Variants in FRMD4B observed in about 807,000 individuals in gnomAD.
FRMD4B encodes FERM domain containing 4B, also known as FERM domain-containing protein 4B.
Under a neutral mutation model 141.5 loss-of-function variants are expected in FRMD4B, and 74 were observed. The ratio of observed to expected loss-of-function variants is 0.52; its 90% CI spans 0.43 to 0.63. The LOEUF (loss-of-function observed/expected upper bound fraction) is 0.63, where lower values mean the gene tolerates loss of function less well. Ranked by LOEUF, FRMD4B falls within the 30% of genes least tolerant of loss-of-function variation. FRMD4B has a pLI of 0.00. For synonymous variants in FRMD4B, 506 were observed against 467.9 expected (o/e 1.08, Z -1.05); for missense variants, 1,366 against 1,253.4 (o/e 1.09, Z -1.36).
intron 2 of FRMD4B, among the ~76,000 whole-genome samples, chr3:69,406,893 A>G (rs1200788846): frequency 6.9e-6 from 1 of 144,384 alleles, no homozygotes. Context: ...CACCACACCC[A>G]GTTAATTTTT....
intron 4 of FRMD4B, among the ~76,000 whole-genome samples, chr3:69,289,134 A>C (rs988482671): frequency 6.6e-6 from 1 of 152,244 alleles, no homozygotes; most frequent in African/African-American, 2.4e-5. Flanking sequence ...AAGGTGGTGA[A>C]GGAAATGAGG....
At chr3:69,270,722 T>C (rs1160220476) in intron 5 of FRMD4B, among the ~76,000 whole-genome samples, 6 of 151,986 alleles carry the variant, frequency 3.9e-5, no homozygotes, top group Non-Finnish European at 8.8e-5. Context: ...CCCGCCATCA[T>C]GCCCGGCTAA....
At chr3:69,378,509 G>A (rs1704032633) in intron 1 of FRMD4B, among the ~76,000 whole-genome samples, 1 of 152,132 alleles carries the variant, frequency 6.6e-6, no homozygotes, top group Admixed American at 6.5e-5. Context: ...GAAAATTATT[G>A]CTTTAAGCCA....
chr3:69,209,512 G>C (rs936823867), intron 11 of FRMD4B, among the ~76,000 whole-genome samples: 1 of 152,152 alleles, frequency 6.6e-6, no homozygotes, highest in African/African-American at 2.4e-5. Flanking sequence ...CAGCAGACAA[G>C]AGTTATCTCA....
chr3:69,459,406 A>T (rs1041342150), intron 1 of FRMD4B, among the ~76,000 whole-genome samples: 1 of 152,214 alleles, frequency 6.6e-6, no homozygotes, highest in East Asian at 1.9e-4. Context: ...AGCTCATTTT[A>T]TGCTAGATAT....
intron 1 of FRMD4B, among the ~76,000 whole-genome samples, chr3:69,500,889 T>C (rs1377396294): frequency 6.6e-6 from 1 of 152,134 alleles, no homozygotes; most frequent in Non-Finnish European, 1.5e-5. Flanking sequence ...AGTGGGAAAG[T>C]CACGCTCTCC....
chr3:69,189,114 C>T (rs1282892030), intron 18 of FRMD4B, among the ~76,000 whole-genome samples: 6 of 149,552 alleles, frequency 4.0e-5, no homozygotes, highest in African/African-American at 7.4e-5. Context: ...CCCAGCTACT[C>T]GGGAGGCTGA....
At chr3:69,355,580 C>T (rs1703290453) in intron 1 of FRMD4B, among the ~76,000 whole-genome samples, 1 of 152,136 alleles carries the variant, frequency 6.6e-6, no homozygotes, top group Non-Finnish European at 1.5e-5. Context: ...CCAGTTTCAG[C>T]AGCAAGTTGG....
intron 2 of FRMD4B, among the ~76,000 whole-genome samples, chr3:69,418,827 T>G (rs1272821425): frequency 1.4e-4 from 21 of 152,038 alleles, no homozygotes; most frequent in East Asian, 5.8e-4. Context: ...CAACTATGTG[T>G]GTGTGTGTGT....
chr3:69,349,259 C>T (rs570536603), intron 1 of FRMD4B, among the ~76,000 whole-genome samples: 1 of 152,278 alleles, frequency 6.6e-6, no homozygotes, highest in South Asian at 2.1e-4. Flanking sequence ...AGGAATCCAA[C>T]TTACAAGGGA....
chr3:69,342,976 G>T (rs1702788041), intron 1 of FRMD4B, among the ~76,000 whole-genome samples: 1 of 152,096 alleles, frequency 6.6e-6, no homozygotes, highest in African/African-American at 2.4e-5. Flanking sequence ...TAGAGACAGG[G>T]TCTCGCTCTG....
intron 8 of FRMD4B, among the ~76,000 whole-genome samples, chr3:69,222,555 T>C (rs2107750375): frequency 6.6e-6 from 1 of 150,514 alleles, no homozygotes; most frequent in Admixed American, 6.6e-5. Context: ...GCAGATCACC[T>C]GAGGTCAGGA....
intron 1 of FRMD4B, among the ~76,000 whole-genome samples, chr3:69,322,594 C>CTTTTT (rs771521331): frequency 2.1e-4 from 17 of 81,368 alleles, no homozygotes; most frequent in African/African-American, 5.8e-4. Context: ...TTCTCTCTCT[C>CTTTTT]TTTTTTTTTT....
chr3:69,279,834 G>C (rs1024713032), intron 5 of FRMD4B, among the ~76,000 whole-genome samples: 2 of 149,720 alleles, frequency 1.3e-5, no homozygotes, highest in African/African-American at 4.9e-5. Context: ...GCAGAAAAGG[G>C]AGCTGAGGCT....
At chr3:69,244,963 A>C (rs1461055844) in intron 7 of FRMD4B, among the ~76,000 whole-genome samples, 1 of 152,250 alleles carries the variant, frequency 6.6e-6, no homozygotes, top group African/African-American at 2.4e-5. Context: ...CATGATGAAC[A>C]TCTTTTTTCC....
upstream of FRMD4B, among the ~76,000 whole-genome samples, chr3:69,388,954 G>A (rs1704325053): frequency 6.6e-6 from 1 of 151,420 alleles, no homozygotes; most frequent in African/African-American, 2.4e-5. Context: ...AGTGTACATT[G>A]TACCTATTAA....
chr3:69,526,055 T>C (rs927419212), intron 1 of FRMD4B, among the ~76,000 whole-genome samples: 2 of 152,184 alleles, frequency 1.3e-5, no homozygotes, highest in African/African-American at 4.8e-5. Context: ...TGCTTCCAAC[T>C]GCCAGCACCT....
chr3:69,429,192 C>G (rs1705136664), intron 2 of FRMD4B, among the ~76,000 whole-genome samples: 1 of 152,172 alleles, frequency 6.6e-6, no homozygotes, highest in Non-Finnish European at 1.5e-5. Context: ...CATAATTTTG[C>G]TATTATAACA....
At chr3:69,392,541 GGCT>G (rs1267197390) in intron 2 of FRMD4B, among the ~76,000 whole-genome samples, 1 of 152,192 alleles carries the variant, frequency 6.6e-6, no homozygotes, top group African/African-American at 2.4e-5. Flanking sequence ...CCAGCAGCGA[GGCT>G]GCTGTAGAGT....
Sources: gnomAD v4.1 joint callset for allele counts (sites outside exome capture counted in the v4.1 genomes callset) on GRCh38, gnomAD v4.1.1 for gene constraint, MANE v1.5 for transcripts, NCBI Gene and HGNC (gene_info 2026-07-23, HGNC 2026-07-21) for gene names.